SLC30A8: variants seen among roughly 807,000 people sequenced by gnomAD.
SLC30A8 encodes proton-coupled zinc antiporter SLC30A8.
In SLC30A8, 27 loss-of-function variants were observed where a neutral mutation model predicts 36.9. That is an observed-to-expected ratio of 0.73 (90% CI 0.54 to 1.01). SLC30A8 has a LOEUF of 1.01. Ranked by LOEUF, SLC30A8 falls within the 50% of genes least tolerant of loss-of-function variation. The pLI is 0.00. For synonymous variants in SLC30A8, 164 were observed against 172.4 expected (o/e 0.95, Z 0.38); for missense variants, 439 against 452.0 (o/e 0.97, Z 0.26).
chr8:117,168,014 A>T (rs1823150639), intron 6 of SLC30A8, among the ~76,000 whole-genome samples: 1 of 152,006 alleles, frequency 6.6e-6, no homozygotes, highest in South Asian at 2.1e-4. Context: ...TTTTCAGGAG[A>T]ACTCCCATTT....
intron 2 of SLC30A8, among the ~76,000 whole-genome samples, chr8:117,098,635 T>C (rs1358203323): frequency 6.6e-6 from 1 of 152,152 alleles, no homozygotes; most frequent in Non-Finnish European, 1.5e-5. Context: ...AAAGCAGACT[T>C]GATTTTGTGA....
At chr8:116,969,620 GCCTACCACA>G (rs1814724292) in intron 1 of SLC30A8, among the ~76,000 whole-genome samples, 2 of 152,142 alleles carry the variant, frequency 1.3e-5, no homozygotes, top group African/African-American at 2.4e-5. Context: ...AGATGGCATA[GCCTACCACA>G]CACCTAGGTT....
chr8:117,105,664 G>A (rs1338551828), intron 2 of SLC30A8, among the ~76,000 whole-genome samples: 3 of 152,096 alleles, frequency 2.0e-5, no homozygotes, highest in South Asian at 4.1e-4. Flanking sequence ...GCAAACCTCA[G>A]TTTTTGCTCT....
intron 2 of SLC30A8, among the ~76,000 whole-genome samples, chr8:117,045,929 T>C (rs1204283232): frequency 5.3e-5 from 8 of 151,582 alleles, no homozygotes; most frequent in South Asian, 4.2e-4. Context: ...TTTTTTTTTT[T>C]CCCCCTTCTT....
intron 1 of SLC30A8, among the ~76,000 whole-genome samples, chr8:116,986,942 T>G (rs574601952): frequency 1.2e-4 from 19 of 152,170 alleles, no homozygotes; most frequent in Non-Finnish European, 2.4e-4. Flanking sequence ...GAAATGTAAA[T>G]GTAATGATAC....
intron 2 of SLC30A8, among the ~76,000 whole-genome samples, chr8:117,149,555 A>G (rs942249223): frequency 3.9e-5 from 6 of 152,194 alleles, no homozygotes; most frequent in African/African-American, 1.4e-4. Flanking sequence ...GAAAGATGAT[A>G]AACACAAGTG....
chr8:116,986,216 A>G (rs1815438497), intron 1 of SLC30A8, among the ~76,000 whole-genome samples: 1 of 152,200 alleles, frequency 6.6e-6, no homozygotes, highest in Admixed American at 6.5e-5. Flanking sequence ...GTTCACCCAC[A>G]CATATATGTG....
At chr8:116,976,122 C>G (rs1814995667) in intron 1 of SLC30A8, among the ~76,000 whole-genome samples, 1 of 151,978 alleles carries the variant, frequency 6.6e-6, no homozygotes, top group African/African-American at 2.4e-5. Context: ...TTTACCAGAC[C>G]ATCTTGGCCA....
chr8:117,122,836 A>G (rs1047301205), intron 2 of SLC30A8, among the ~76,000 whole-genome samples: 1 of 151,944 alleles, frequency 6.6e-6, no homozygotes, highest in African/African-American at 2.4e-5. Flanking sequence ...AGAGAACCAC[A>G]GTCTCCTTTC....
intron 2 of SLC30A8, among the ~76,000 whole-genome samples, chr8:117,113,785 G>C (rs538776750): frequency 6.6e-6 from 1 of 152,188 alleles, no homozygotes; most frequent in Admixed American, 6.6e-5. Flanking sequence ...AAACTTTGGG[G>C]TATGGCATGC....
At chr8:117,111,752 A>G (rs1213629181) in intron 2 of SLC30A8, among the ~76,000 whole-genome samples, 2 of 152,130 alleles carry the variant, frequency 1.3e-5, no homozygotes, top group African/African-American at 4.8e-5. Context: ...GATGCCATGA[A>G]GTCGACCTGG....
At chr8:117,111,435 C>T (rs1014299866) in intron 2 of SLC30A8, among the ~76,000 whole-genome samples, 1 of 152,110 alleles carries the variant, frequency 6.6e-6, no homozygotes, top group African/African-American at 2.4e-5. Flanking sequence ...AGTAATAGCA[C>T]CCTACCTTTC....
chr8:117,171,254 C>T (rs866516982), intron 7 of SLC30A8, 86 bp downstream of exon 7: 3 of 1,405,902 alleles, frequency 2.1e-6, no homozygotes, highest in Non-Finnish European at 2.0e-6. Flanking sequence ...TAGAGCTGCC[C>T]TTATTGTCTG....
chr8:117,174,655 G>GTGT lies in SLC30A8; in HGVS notation c.*1976_*1978dup, dbSNP rs139744804. On this transcript the variant is annotated 3_prime_UTR_variant, in exon 8 of 8. Coordinates refer to ENST00000456015, the MANE Select transcript of SLC30A8 (RefSeq NM_173851.3). The stretch of plus-strand genomic sequence containing the variant: ...ACTAGGTGACTTGGCAAACACACAA[G>GTGT]TGTTAGTATAATTCTTTGCTTCTGC... 6.6e-6 allele frequency: 1 copy of GTGT among 152,582 alleles called. No individual in the cohort carries two copies. The highest frequency in any genetic ancestry group is 1.5e-5 in the Non-Finnish European group (1 of 68,016). The allele number at this position is 152,582 out of a possible 1,614,324, so 9.5% of individuals were successfully genotyped here.
intron 1 of SLC30A8, among the ~76,000 whole-genome samples, chr8:116,990,154 ATGT>A (rs1815582223): frequency 6.6e-6 from 1 of 152,128 alleles, no homozygotes. Flanking sequence ...TACTGGTTTA[ATGT>A]TGTTATTGTT....
chr8:117,172,403 C>A (rs983870713), intron 7 of SLC30A8, 133 bp from the exon 8 acceptor site: 1 of 1,107,232 alleles, frequency 9.0e-7, no homozygotes, highest in Non-Finnish European at 1.4e-6. Context: ...TCAGAGCAAA[C>A]GTGGCTTCCT....
chr8:117,082,021 A>G (rs1818691082), intron 2 of SLC30A8, among the ~76,000 whole-genome samples: 1 of 152,216 alleles, frequency 6.6e-6, no homozygotes, highest in Non-Finnish European at 1.5e-5. Context: ...TTTAGTTGTC[A>G]TTAGTTATCT....
chr8:117,096,681 C>G (rs1279608164), intron 2 of SLC30A8, among the ~76,000 whole-genome samples: 1 of 151,996 alleles, frequency 6.6e-6, no homozygotes, highest in Non-Finnish European at 1.5e-5. Flanking sequence ...CCAGTTTAAA[C>G]CCTCATCATT....
At chr8:117,124,850 G>T (rs1009608760) in intron 2 of SLC30A8, among the ~76,000 whole-genome samples, 1 of 150,762 alleles carries the variant, frequency 6.6e-6, no homozygotes, top group Non-Finnish European at 1.5e-5. Context: ...CCTGGATGAC[G>T]GGATCCATAC....
Sources: gnomAD v4.1 joint callset for allele counts (sites outside exome capture counted in the v4.1 genomes callset) on GRCh38, gnomAD v4.1.1 for gene constraint, MANE v1.5 for transcripts, NCBI Gene and HGNC (gene_info 2026-07-23, HGNC 2026-07-21) for gene names.